PIGL: variants seen among roughly 807,000 people sequenced by gnomAD.
The protein encoded by PIGL is N-acetylglucosaminyl-phosphatidylinositol de-N-acetylase.
In PIGL, 22 loss-of-function variants were observed where a neutral mutation model predicts 31.1. The observed-to-expected ratio is 0.71, with a 90% confidence interval of 0.51 to 1.01. The LOEUF is 1.01. Ranked by LOEUF, PIGL falls within the 50% of genes least tolerant of loss-of-function variation. The probability of loss-of-function intolerance (pLI) is 0.00; values close to 1 mark genes in which losing one functional copy is unlikely to be tolerated. For missense variants in PIGL, 302 were observed against 315.9 expected (o/e 0.96, Z 0.33); for synonymous variants, 131 against 117.4 (o/e 1.12, Z -0.75).
At chr17:16,227,341 C>G (rs1366488215) in intron 1 of PIGL, among the ~76,000 whole-genome samples, 1 of 151,918 alleles carries the variant, frequency 6.6e-6, no homozygotes, top group Non-Finnish European at 1.5e-5. Flanking sequence ...AAACTCCTGA[C>G]CTCAAGTAAT....
rs2324305 is a variant in PIGL at position 16,261,427 on chromosome 17, T to G, written c.335+27357T>G. Among the ~76,000 whole-genome samples the G allele has an allele frequency of 2.0e-5, 3 of 152,262 alleles. No individual in the cohort carries two copies. In the East Asian group the frequency reaches 5.8e-4, roughly 29 times the overall value. On this transcript the variant is annotated intron_variant, in intron 2 of 6. Transcript: ENST00000225609. ...AAGAAAAAATAGATAAATTGGACTT[T>G]GTCAAAATTAAAAACTTTTATGCAT...
intron 3 of PIGL, among the ~76,000 whole-genome samples, chr17:16,311,860 T>C (rs2093052036): frequency 6.6e-6 from 1 of 152,204 alleles, no homozygotes; most frequent in South Asian, 2.1e-4. Context: ...TCTACCTCCT[T>C]CTACACAGAC....
At chr17:16,261,221 G>C (rs2092818003) in intron 2 of PIGL, among the ~76,000 whole-genome samples, 1 of 152,066 alleles carries the variant, frequency 6.6e-6, no homozygotes, top group South Asian at 2.1e-4. Context: ...CAGCCCTTTG[G>C]AGAGCCCGGC....
chr17:16,254,048 T>G (rs931160451), intron 2 of PIGL, among the ~76,000 whole-genome samples: 1 of 152,194 alleles, frequency 6.6e-6, no homozygotes, highest in Non-Finnish European at 1.5e-5. Flanking sequence ...TGCTGTCTAA[T>G]GCATCCACAC....
chr17:16,325,839 C>CG lies in PIGL; in HGVS notation c.701dup (p.Arg235ProfsTer22). The stretch of plus-strand genomic sequence containing the variant: ...CCACCGCAGCCAGCTCCTCTGGTTC[C>CG]GCCGCCTCTACATTATCTTCTCCCG... On this transcript the variant is annotated frameshift_variant, in exon 7 of 7. Transcript: ENST00000225609. LOFTEE classifies it high-confidence loss of function. The CG allele has an allele frequency of 6.2e-7, 1 of 1,613,964 alleles. No homozygotes were observed. Among genetic ancestry groups the CG allele is most frequent in the Non-Finnish European group, 8.5e-7 (1 of 1,179,892 alleles).
chr17:16,284,869 G>T (rs1361952977), intron 2 of PIGL, among the ~76,000 whole-genome samples: 1 of 152,120 alleles, frequency 6.6e-6, no homozygotes, highest in Admixed American at 6.5e-5. Context: ...GGCTCTGCAT[G>T]AATTAATTAC....
At chr17:16,311,388 C>CATGTTATATAACTTGCA (rs1333753586) in intron 3 of PIGL, among the ~76,000 whole-genome samples, 2 of 145,994 alleles carry the variant, frequency 1.4e-5, no homozygotes, top group Non-Finnish European at 3.0e-5. Context: ...GAGATAATTG[C>CATGTTATATAACTTGCA]ACCACAGACA....
At chr17:16,248,323 C>T (rs1366448999) in intron 2 of PIGL, among the ~76,000 whole-genome samples, 1 of 152,218 alleles carries the variant, frequency 6.6e-6, no homozygotes, top group East Asian at 1.9e-4. Flanking sequence ...CAAGAGGACC[C>T]AGGCCACACC....
At chr17:16,317,242 C>G in intron 5 of PIGL, 1 of 1,003,678 alleles carries the variant, frequency 1.0e-6, no homozygotes, top group Non-Finnish European at 1.2e-6. Flanking sequence ...TGTGCCCTTT[C>G]TATGTGGGAT....
intron 3 of PIGL, among the ~76,000 whole-genome samples, chr17:16,313,328 G>C (rs2093062868): frequency 6.6e-6 from 1 of 152,230 alleles, no homozygotes; most frequent in Admixed American, 6.5e-5. Flanking sequence ...CCACTGGCTA[G>C]GAACAAGAGT....
intron 1 of PIGL, 179 bp downstream of exon 1, chr17:16,217,640 TGGGGG>T: frequency 1.9e-5 from 10 of 540,122 alleles, no homozygotes; most frequent in South Asian, 5.6e-5. Flanking sequence ...CCTGGTGGGT[TGGGGG>T]ACGTCGGCAG....
intron 2 of PIGL, among the ~76,000 whole-genome samples, chr17:16,239,024 G>A (rs908206212): frequency 2.7e-5 from 4 of 150,274 alleles, no homozygotes; most frequent in East Asian, 4.2e-4. Context: ...ATTACAGGCC[G>A]GAGCCACCTT....
intron 2 of PIGL, among the ~76,000 whole-genome samples, chr17:16,252,230 C>T (rs989500010): frequency 3.3e-5 from 5 of 151,894 alleles, no homozygotes; most frequent in Admixed American, 2.0e-4. Flanking sequence ...CATGCCAACA[C>T]GCCTAGCTAA....
In PIGL at chr17:16,304,121, T is replaced by C. The variant is rs77502722; in HGVS notation, c.426+4143T>C. Among the ~76,000 whole-genome samples the C allele has an allele frequency of 1.1e-3, 166 of 152,304 alleles. 1 individual carries two copies. The highest frequency in any genetic ancestry group is 3.8e-3 in the African/African-American group (159 of 41,548). On this transcript the variant is annotated intron_variant, in intron 3 of 6. Coordinates refer to ENST00000225609, the MANE Select transcript of PIGL (RefSeq NM_004278.4). ...TGCACTTAGTGCCATAGTAGAAGTA[T>C]AGGATCATGCTAACACCGTGGCTAG...
intron 2 of PIGL, among the ~76,000 whole-genome samples, chr17:16,246,460 C>T (rs1320374407): frequency 6.6e-6 from 1 of 150,612 alleles, no homozygotes; most frequent in Admixed American, 6.6e-5. Context: ...TGCACTGAGC[C>T]GAGATTGCAC....
Position 16,301,144 on chromosome 17 carries a change from T to A in PIGL, c.426+1166T>A, listed in dbSNP as rs569168919. On this transcript the variant is annotated intron_variant, in intron 3 of 6. Transcript: ENST00000225609. ...GAGAAACATATTAGGCTTTTTTTTT[T>A]AATTTTTTTTTTTTAAGACACAGGT... Among the ~76,000 whole-genome samples, 439 of 152,134 alleles carry A rather than the reference T, an allele frequency of 2.9e-3. 3 individuals carry two copies. Among genetic ancestry groups the A allele is most frequent in the African/African-American group, 0.01 (425 of 41,482 alleles).
At chr17:16,311,259 C>CT (rs1169767508) in intron 3 of PIGL, among the ~76,000 whole-genome samples, 1 of 148,950 alleles carries the variant, frequency 6.7e-6, no homozygotes, top group Admixed American at 6.8e-5. Flanking sequence ...TTGAGTTAGC[C>CT]TTATTATTAT....
intron 1 of PIGL, among the ~76,000 whole-genome samples, chr17:16,220,963 GT>G (rs2092626147): frequency 6.6e-6 from 1 of 152,092 alleles, no homozygotes; most frequent in South Asian, 2.1e-4. Flanking sequence ...ATGGGGTCTT[GT>G]TCTGTCTAGA....
intron 5 of PIGL, chr17:16,317,194 G>A (rs1010560941): frequency 4.5e-5 from 45 of 1,004,952 alleles, no homozygotes; most frequent in East Asian, 9.3e-5. Context: ...CCTCACCGGC[G>A]CAATACGAAG....
Sources: allele counts gnomAD v4.1 joint callset (sites outside exome capture counted in the v4.1 genomes callset), GRCh38; gene constraint gnomAD v4.1.1; transcripts MANE v1.5; gene names NCBI Gene and HGNC (gene_info 2026-07-23, HGNC 2026-07-21).